The following SND1 variants were observed in gnomAD, a reference collection of about 807,000 sequenced individuals.
SND1 encodes staphylococcal nuclease and tudor domain containing 1.
SND1 carries 38 observed loss-of-function variants against 121.7 expected under a neutral mutation model. That is an observed-to-expected ratio of 0.31 (90% CI 0.24 to 0.41). SND1 has a LOEUF of 0.41. SND1 is among the 10% of genes least tolerant of loss of function. The pLI, the probability that SND1 is intolerant of heterozygous loss-of-function variation, is 1.00. For synonymous variants in SND1, 401 were observed against 447.4 expected (o/e 0.90, Z 1.31); for missense variants, 868 against 1,184.6 (o/e 0.73, Z 3.92).
In SND1 at chr7:128,029,789, G is replaced by T; in HGVS notation, c.1779+38733G>T. 4 of 1,613,884 alleles carry T rather than the reference G, an allele frequency of 2.5e-6. No individual in the cohort carries two copies. Among genetic ancestry groups the T allele is most frequent in the Non-Finnish European group, 3.4e-6 (4 of 1,180,046 alleles). ...CCAGGTACCTCAGCGGGGTAAAGAG[G>T]TCATGGGGCAAAGAAGAGAGGTTAT... On this transcript the variant is annotated intron_variant, in intron 16 of 23. Transcript: ENST00000354725. The surrounding 1 kb of genome is among the most constrained non-coding windows in gnomAD (Gnocchi z 4.2).
At position 127,887,946 on chromosome 7, in the gene SND1, T is replaced by A; in HGVS notation, c.1388T>A (p.Ile463Asn). The change falls in exon 13 of 24, where the codon ATC becomes AAC. Residue 463 changes from isoleucine to asparagine, a missense_variant. Around this residue, in one of 2 missense-constraint regions of SND1, gnomAD observed 743 missense variants for 1,071.3 expected, o/e 0.69. Transcript: ENST00000354725. ...ALVSKGLATV[I>N]RYRQDDDQRS... Reference sequence around the variant, plus strand: ...GTCAGCAAAGGTCTAGCCACAGTGATCAGATACCGGCAGGATGATGACCAG... The same window carrying A: ...GTCAGCAAAGGTCTAGCCACAGTGAACAGATACCGGCAGGATGATGACCAG... 6.2e-7 allele frequency: 1 copy of A among 1,612,444 alleles called. No individual in the cohort carries two copies. The highest frequency in any genetic ancestry group is 8.5e-7 in the Non-Finnish European group (1 of 1,178,984).
At chr7:127,977,881 A>G (rs995606811) in intron 15 of SND1, among the ~76,000 whole-genome samples, 1 of 152,170 alleles carries the variant, frequency 6.6e-6, no homozygotes, top group Non-Finnish European at 1.5e-5. Context: ...TTTTCAGCCC[A>G]AGAGGATGGT....
chr7:127,944,279 G>A (rs1801278136), intron 15 of SND1, among the ~76,000 whole-genome samples: 2 of 152,196 alleles, frequency 1.3e-5, no homozygotes, highest in African/African-American at 4.8e-5. Flanking sequence ...GGAATCTGGC[G>A]TAAGCAGCAA....
chr7:127,951,402 G>A (rs144001514), intron 15 of SND1, among the ~76,000 whole-genome samples: 19 of 152,340 alleles, frequency 1.2e-4, no homozygotes, highest in Admixed American at 3.3e-4. Flanking sequence ...AGAGTGAATG[G>A]TGGTTGCCAG....
In SND1 at chr7:127,929,321, T is replaced by G; in HGVS notation, c.1661T>G (p.Leu554Trp). 1 of 1,614,068 alleles carries G rather than the reference T, an allele frequency of 6.2e-7. No homozygotes were observed. Among genetic ancestry groups the G allele is most frequent in the South Asian group, 1.1e-5 (1 of 91,078 alleles). The change falls in exon 15 of 24, where the codon TTG becomes TGG. Residue 554 changes from leucine (L) to tryptophan (W), a missense_variant. Leu to Trp is a moderately conservative substitution (Grantham distance 61, BLOSUM62 -2). Transcript: ENST00000354725. ...LPKETCLITF[L>W]LAGIECPRGA... Reference sequence around the variant, plus strand: ...AAGGAAACTTGCCTTATCACCTTCTTGCTTGCAGGTAAGTCTTATGTGTTA... The same window carrying G: ...AAGGAAACTTGCCTTATCACCTTCTGGCTTGCAGGTAAGTCTTATGTGTTA...
intron 9 of SND1, among the ~76,000 whole-genome samples, chr7:127,711,253 A>C (rs774755227): frequency 6.6e-6 from 1 of 152,170 alleles, no homozygotes; most frequent in Non-Finnish European, 1.5e-5. Context: ...ATAATTTGCA[A>C]CTTTGTTTTA....
intron 10 of SND1, among the ~76,000 whole-genome samples, chr7:127,770,117 C>A (rs886367684): frequency 2.0e-5 from 3 of 152,136 alleles, no homozygotes; most frequent in Non-Finnish European, 2.9e-5. Context: ...GATACCAGGG[C>A]CCAGAAGGTC....
At chr7:127,934,158 T>TAA (rs10679036) in intron 15 of SND1, among the ~76,000 whole-genome samples, 91,410 of 151,792 alleles carry the variant, frequency 0.6, 27,921 homozygotes, top group East Asian at 0.75. Flanking sequence ...GAAGTACATA[T>TAA]GAGTTTACTG....
At chr7:127,672,586 C>T (rs1386730169) in intron 1 of SND1, among the ~76,000 whole-genome samples, 2 of 151,566 alleles carry the variant, frequency 1.3e-5, no homozygotes. Context: ...GCACTCCAGC[C>T]TGGGCGACAG....
intron 12 of SND1, among the ~76,000 whole-genome samples, chr7:127,856,980 A>G (rs1177951870): frequency 6.6e-6 from 1 of 152,104 alleles, no homozygotes; most frequent in Non-Finnish European, 1.5e-5. Flanking sequence ...CAGATCATTG[A>G]GTGAAGGTTA....
At chr7:127,874,434 C>G (rs1431739630) in intron 12 of SND1, among the ~76,000 whole-genome samples, 2 of 152,096 alleles carry the variant, frequency 1.3e-5, no homozygotes, top group African/African-American at 4.8e-5. Context: ...AGGTTACTGA[C>G]TTGAGTCCAG....
intron 17 of SND1, 80 bp from the exon 18 acceptor site, chr7:128,081,280 G>A (rs1196663024): frequency 6.4e-6 from 10 of 1,557,012 alleles, no homozygotes; most frequent in African/African-American, 1.4e-5. Context: ...ACAGGCATGA[G>A]CCACCACGCC....
intron 1 of SND1, among the ~76,000 whole-genome samples, chr7:127,652,695 A>C (rs993036382): frequency 1.3e-5 from 2 of 152,044 alleles, no homozygotes; most frequent in Non-Finnish European, 2.9e-5. Context: ...CGGCATTCGG[A>C]TCTCCTGTCT....
At chr7:127,671,821 C>T (rs1795522694) in intron 1 of SND1, among the ~76,000 whole-genome samples, 1 of 152,196 alleles carries the variant, frequency 6.6e-6, no homozygotes, top group African/African-American at 2.4e-5. Context: ...TACATCATAG[C>T]AGCTTTCTTG....
intron 13 of SND1, among the ~76,000 whole-genome samples, chr7:127,902,234 C>T (rs1248716960): frequency 6.6e-6 from 1 of 152,196 alleles, no homozygotes; most frequent in Non-Finnish European, 1.5e-5. Flanking sequence ...CAGCAGTGCT[C>T]TAACTTGAAC....
At chr7:127,766,794 A>AAAAAAAAT (rs1797428985) in intron 10 of SND1, among the ~76,000 whole-genome samples, 3 of 149,912 alleles carry the variant, frequency 2.0e-5, no homozygotes, top group East Asian at 2.0e-4. Context: ...AAAAAAAAAA[A>AAAAAAAAT]AAAAAAATAG....
chr7:127,851,067 C>T (rs987287799), intron 12 of SND1, among the ~76,000 whole-genome samples: 8 of 152,314 alleles, frequency 5.3e-5, no homozygotes, highest in African/African-American at 1.9e-4. Flanking sequence ...GTCTTATTTC[C>T]TTAAAAATGT....
intron 12 of SND1, among the ~76,000 whole-genome samples, chr7:127,859,355 G>T (rs896696910): frequency 6.6e-6 from 1 of 152,112 alleles, no homozygotes; most frequent in African/African-American, 2.4e-5. Flanking sequence ...GTTCTATTCT[G>T]CAGAGACAAA....
intron 10 of SND1, among the ~76,000 whole-genome samples, chr7:127,760,358 C>A (rs1293972878): frequency 2.6e-5 from 4 of 152,158 alleles, no homozygotes; most frequent in African/African-American, 9.7e-5. Flanking sequence ...TGTTTGAATG[C>A]ATAAAGTGGG....
Sources: gnomAD v4.1 joint callset for allele counts (sites outside exome capture counted in the v4.1 genomes callset) on GRCh38, gnomAD v4.1.1 for gene constraint, gnomAD v4.1.1 regional missense constraint, Gnocchi (gnomAD v3.1) non-coding constraint, MANE v1.5 for transcripts, NCBI Gene and HGNC (gene_info 2026-07-23, HGNC 2026-07-21) for gene names.